The following DLC1 variants were observed in gnomAD, a reference collection of about 807,000 sequenced individuals.
DLC1 encodes the protein rho GTPase-activating protein 7.
A neutral mutation model predicts 140.3 loss-of-function variants in DLC1; 54 were observed. The ratio of observed to expected loss-of-function variants is 0.38; its 90% confidence interval spans 0.31 to 0.48. The LOEUF is 0.48. DLC1 is among the 20% of genes least tolerant of loss of function. DLC1 has a pLI of 0.96. For synonymous variants in DLC1, 986 were observed against 728.1 expected, an observed-to-expected ratio of 1.35 and a Z score of -5.70; for missense variants, 2,536 against 1,907.0, an observed-to-expected ratio of 1.33 and a Z score of -6.14.
At chr8:13,168,390 T>C (rs1381674463) in intron 5 of DLC1, among the ~76,000 whole-genome samples, 1 of 152,220 alleles carries the variant, frequency 6.6e-6, no homozygotes, top group Admixed American at 6.5e-5. Flanking sequence ...GTTCCTCATA[T>C]CATCATGTGT....
At chr8:13,589,627 C>T (rs925395797) in intron 1 of DLC1, among the ~76,000 whole-genome samples, 4 of 150,530 alleles carry the variant, frequency 2.7e-5, no homozygotes, top group Admixed American at 6.7e-5. Context: ...GCTATTTACA[C>T]ATTTCTTATT....
intron 5 of DLC1, among the ~76,000 whole-genome samples, chr8:13,120,417 T>A (rs1303024668): frequency 2.8e-5 from 4 of 142,110 alleles, no homozygotes; most frequent in Non-Finnish European, 6.1e-5. Context: ...TATGTAACAA[T>A]GAACAAAATC....
intron 4 of DLC1, among the ~76,000 whole-genome samples, chr8:13,376,638 T>C (rs1836005276): frequency 6.6e-6 from 1 of 152,198 alleles, no homozygotes; most frequent in Admixed American, 6.5e-5. Context: ...TTTGGATTTA[T>C]AAGTAGCAAA....
chr8:13,486,727 C>T (rs1405027563), intron 2 of DLC1, among the ~76,000 whole-genome samples: 2 of 21,994 alleles, frequency 9.1e-5, no homozygotes, highest in Non-Finnish European at 5.0e-4. Flanking sequence ...AAGATGACAC[C>T]TAGCATGGTC....
chr8:13,218,572 GTAA>G (rs1828324797), intron 5 of DLC1, among the ~76,000 whole-genome samples: 1 of 151,736 alleles, frequency 6.6e-6, no homozygotes. Context: ...CTACAGTGAT[GTAA>G]TGCTTCACAC....
At chr8:13,532,570 CTCTCTCTT>C (rs1055424078) in intron 1 of DLC1, among the ~76,000 whole-genome samples, 1 of 142,584 alleles carries the variant, frequency 7.0e-6, no homozygotes, top group African/African-American at 2.4e-5. Context: ...AGCACAGGCT[CTCTCTCTT>C]TCTCTCTCTC....
chr8:13,193,031 A>C lies in DLC1; in HGVS notation c.1349-77374T>G, dbSNP rs1233816511. Reference sequence around the variant, plus strand: ...CTCTGCCTAAGGACTTTATTCTTTCATGTCTGTTCCCTTGTCCCAAACCAT... The same window carrying C: ...CTCTGCCTAAGGACTTTATTCTTTCCTGTCTGTTCCCTTGTCCCAAACCAT... On this transcript the variant is annotated intron_variant, in intron 5 of 17. Transcript: ENST00000276297. Among the ~76,000 whole-genome samples the C allele has an allele frequency of 2.0e-5, 3 of 152,152 alleles. No individual in the cohort carries two copies. The East Asian group carries it at 5.8e-4, about 29-fold the overall frequency.
chr8:13,317,554 A>G (rs1280374051), intron 4 of DLC1, among the ~76,000 whole-genome samples: 1 of 152,130 alleles, frequency 6.6e-6, no homozygotes, highest in African/African-American at 2.4e-5. Flanking sequence ...AAAGATAGAG[A>G]CGAAATGGCT....
chr8:13,413,978 C>G (rs146721828), intron 2 of DLC1, among the ~76,000 whole-genome samples: 203 of 152,104 alleles, frequency 1.3e-3, no homozygotes, highest in African/African-American at 4.2e-3. Context: ...TGAAATTACT[C>G]CAACAAGTAC....
At chr8:13,271,849 A>AAATTTTTT (rs1217724475) in intron 5 of DLC1, among the ~76,000 whole-genome samples, 2 of 152,080 alleles carry the variant, frequency 1.3e-5, no homozygotes, top group Non-Finnish European at 2.9e-5. Context: ...CTAAATTTTT[A>AAATTTTTT]AATTTTTTGG....
chr8:13,194,589 C>A (rs571341186), intron 5 of DLC1, among the ~76,000 whole-genome samples: 1 of 152,136 alleles, frequency 6.6e-6, no homozygotes, highest in African/African-American at 2.4e-5. Context: ...CGGGCAGAGG[C>A]CAGCATTACT....
In DLC1 at chr8:13,105,496, T is replaced by C. The variant is rs77697320; in HGVS notation, c.1503-2643A>G. Among the ~76,000 whole-genome samples the C allele has an allele frequency of 3.4e-3, 522 of 152,164 alleles. 1 individual carries two copies. Among genetic ancestry groups the C allele is most frequent in the African/African-American group, 0.012 (499 of 41,514 alleles). On this transcript the variant is annotated intron_variant, in intron 7 of 17. Coordinates refer to ENST00000276297, the MANE Select transcript of DLC1 (RefSeq NM_182643.3). ...AACCTAGATTTTACAGATGAGGAAA[T>C]GGGGCTCAGGGAGGTCACAGATCTT...
intron 5 of DLC1, among the ~76,000 whole-genome samples, chr8:13,252,666 G>A (rs550397292): frequency 6.6e-6 from 1 of 152,148 alleles, no homozygotes; most frequent in Non-Finnish European, 1.5e-5. Context: ...TGCAATAATG[G>A]ATATATAACC....
intron 1 of DLC1, among the ~76,000 whole-genome samples, chr8:13,520,721 G>T (rs1293397231): frequency 1.3e-5 from 2 of 152,150 alleles, no homozygotes; most frequent in Non-Finnish European, 1.5e-5. Context: ...TGCCTGTCCT[G>T]TAGGGCTAGG....
intron 1 of DLC1, among the ~76,000 whole-genome samples, chr8:13,506,429 G>T (rs1296348112): frequency 6.6e-6 from 1 of 151,270 alleles, no homozygotes. Flanking sequence ...TTCTTCCTTA[G>T]ATAGCTAGAA....
intron 5 of DLC1, among the ~76,000 whole-genome samples, chr8:13,268,639 T>G (rs1830788313): frequency 6.6e-6 from 1 of 152,140 alleles, no homozygotes; most frequent in Admixed American, 6.6e-5. Context: ...CACCTTGGTC[T>G]CCAAAAGTGC....
At chr8:13,573,531 T>C (rs1259120569) in intron 1 of DLC1, among the ~76,000 whole-genome samples, 1 of 152,218 alleles carries the variant, frequency 6.6e-6, no homozygotes, top group East Asian at 1.9e-4. Flanking sequence ...GTTTTGTTCC[T>C]GATCTTAGGG....
chr8:13,298,197 C>T (rs1004669427), intron 5 of DLC1, among the ~76,000 whole-genome samples: 1 of 152,088 alleles, frequency 6.6e-6, no homozygotes, highest in Non-Finnish European at 1.5e-5. Context: ...TTATGGCCAA[C>T]CAAATAAGCT....
intron 5 of DLC1, among the ~76,000 whole-genome samples, chr8:13,221,745 TG>T (rs1828565893): frequency 3.5e-5 from 5 of 141,738 alleles, no homozygotes; most frequent in African/African-American, 7.8e-5. Context: ...TATATATATA[TG>T]ATAAACCATT....
Sources: allele counts gnomAD v4.1 joint callset (sites outside exome capture counted in the v4.1 genomes callset), GRCh38; gene constraint gnomAD v4.1.1; transcripts MANE v1.5; gene names NCBI Gene and HGNC (gene_info 2026-07-23, HGNC 2026-07-21).